The following HMGA2 variants were observed in gnomAD, a reference collection of about 807,000 sequenced individuals.
HMGA2 encodes high mobility group protein HMGI-C.
In HMGA2, 8 loss-of-function variants were observed where a neutral mutation model predicts 19.1. That is an observed-to-expected ratio of 0.42 (90% confidence interval 0.25 to 0.76). HMGA2 has a LOEUF of 0.76. Ranked by LOEUF, HMGA2 falls within the 30% of genes least tolerant of loss-of-function variation. HMGA2 has a pLI of 0.28. For synonymous variants in HMGA2, 60 were observed against 48.8 expected (o/e 1.23, Z -0.96); for missense variants, 109 against 136.3 (o/e 0.80, Z 1.00).
At chr12:65,960,024 G>A (rs1203509187) in intron 4 of HMGA2, among the ~76,000 whole-genome samples, 1 of 152,060 alleles carries the variant, frequency 6.6e-6, no homozygotes, top group Admixed American at 6.6e-5. Flanking sequence ...CAAGTAGCTG[G>A]GACTTCAGGT....
chr12:65,923,731 C>T (rs1053160527), intron 3 of HMGA2, among the ~76,000 whole-genome samples: 5 of 152,136 alleles, frequency 3.3e-5, no homozygotes, highest in East Asian at 1.9e-4. Flanking sequence ...TCATTCTCGC[C>T]GGGTGCGGCA....
rs1056729218 is a variant in HMGA2 at position 65,961,733 on chromosome 12, G to C, written c.283-1512G>C. Among the ~76,000 whole-genome samples, 10 of 148,198 alleles carry C rather than the reference G, an allele frequency of 6.7e-5. No individual in the cohort carries two copies. The East Asian group carries it at 1.4e-3, about 20-fold the overall frequency. On this transcript the variant is annotated intron_variant, in intron 4 of 4. Transcript: ENST00000403681. ...GCAGTGGCCTGTGATTAAAGCCCAG[G>C]ATAGAGTGTGTGTGTGTGTGTGTGT...
intron 3 of HMGA2, among the ~76,000 whole-genome samples, chr12:65,846,820 T>G (rs935440186): frequency 3.3e-5 from 5 of 152,200 alleles, no homozygotes; most frequent in Non-Finnish European, 7.3e-5. Flanking sequence ...GCTGACAAGA[T>G]AGGTGGGGCT....
intron 3 of HMGA2, chr12:65,866,946 A>G (rs1438226907): frequency 2.2e-6 from 1 of 456,740 alleles, no homozygotes; most frequent in Non-Finnish European, 4.4e-6. Flanking sequence ...GTGCCTTCCC[A>G]TCTTGACACT....
chr12:65,927,100 C>T (rs984494202), intron 3 of HMGA2, among the ~76,000 whole-genome samples: 3 of 152,114 alleles, frequency 2.0e-5, no homozygotes, highest in African/African-American at 4.8e-5. Flanking sequence ...GGAGTTTTAT[C>T]ACTCATTTTA....
intron 3 of HMGA2, among the ~76,000 whole-genome samples, chr12:65,848,274 G>A (rs1871309192): frequency 6.6e-6 from 1 of 152,142 alleles, no homozygotes; most frequent in Non-Finnish European, 1.5e-5. Context: ...ATTTTCTAAG[G>A]TAGTTTCTCT....
intron 2 of HMGA2, among the ~76,000 whole-genome samples, chr12:65,837,830 A>G (rs1417842118): frequency 6.6e-6 from 1 of 152,236 alleles, no homozygotes; most frequent in African/African-American, 2.4e-5. Flanking sequence ...TTAATTAATC[A>G]TTATTTCTAG....
chr12:65,840,588 G>A (rs369067159), intron 3 of HMGA2, among the ~76,000 whole-genome samples: 56 of 152,158 alleles, frequency 3.7e-4, no homozygotes, highest in African/African-American at 1.1e-3. Context: ...CCTTAGACTC[G>A]GAAGTCAAAA....
At chr12:65,934,563 A>C (rs1322772810) in intron 3 of HMGA2, among the ~76,000 whole-genome samples, 6 of 152,154 alleles carry the variant, frequency 3.9e-5, no homozygotes, top group Non-Finnish European at 4.4e-5. Flanking sequence ...GTTTTCTACC[A>C]AATCATACCT....
chr12:65,887,125 C>G (rs939147313), intron 3 of HMGA2, among the ~76,000 whole-genome samples: 2 of 152,006 alleles, frequency 1.3e-5, no homozygotes, highest in African/African-American at 2.4e-5. Flanking sequence ...AACGCTGACT[C>G]CCCCCCTCAT....
At chr12:65,829,500 G>A (rs1200520545) in intron 2 of HMGA2, among the ~76,000 whole-genome samples, 1 of 151,986 alleles carries the variant, frequency 6.6e-6, no homozygotes, top group African/African-American at 2.4e-5. Context: ...TTGTGTAAGT[G>A]TGGAGTTTAC....
chr12:65,901,593 G>A (rs1279275616), intron 3 of HMGA2, among the ~76,000 whole-genome samples: 3 of 152,144 alleles, frequency 2.0e-5, no homozygotes, highest in Admixed American at 2.0e-4. Flanking sequence ...CAAATTACAG[G>A]TGTATGGAAT....
chr12:65,915,123 G>C, intron 3 of HMGA2: 1 of 1,613,790 alleles, frequency 6.2e-7, no homozygotes, highest in Non-Finnish European at 8.5e-7. Flanking sequence ...ACCAAAAGGA[G>C]TCACTGAATT....
At chr12:65,905,324 G>T (rs1293797017) in intron 3 of HMGA2, among the ~76,000 whole-genome samples, 1 of 151,954 alleles carries the variant, frequency 6.6e-6, no homozygotes, top group Non-Finnish European at 1.5e-5. Flanking sequence ...ATTGAATATT[G>T]TCTATTTCTC....
chr12:65,951,620 C>G (rs1876464018), intron 4 of HMGA2: 1 of 473,688 alleles, frequency 2.1e-6, no homozygotes. Flanking sequence ...AATGTAAGGT[C>G]TTAAGTGTAC....
chr12:65,920,473 T>TA (rs1875266476), intron 3 of HMGA2, among the ~76,000 whole-genome samples: 1 of 152,206 alleles, frequency 6.6e-6, no homozygotes, highest in African/African-American at 2.4e-5. Context: ...TACCAACTGA[T>TA]ATGGTTTGCC....
chr12:65,825,186 A>T lies in HMGA2; in HGVS notation c.-85A>T. 8.1e-7 allele frequency: 1 copy of T among 1,229,530 alleles called. No individual in the cohort carries two copies. The highest frequency in any genetic ancestry group is 2.9e-5 in the East Asian group (1 of 34,938). The allele number at this position is 1,229,530 out of a possible 1,614,324, so 76.2% of individuals were successfully genotyped here. A position where few individuals can be genotyped will look rare whatever the true frequency, so the allele number is the denominator to read the frequency against. On this transcript the variant is annotated 5_prime_UTR_variant, in exon 1 of 5. Transcript: ENST00000403681. This position sits in a 1 kb window ranked among gnomAD's most constrained non-coding sequence, Gnocchi z 4.4. ...CCCCGCCGGCGTCCCCAGCCCTATC[A>T]CCTCATCTCCCGAAAGGTGCTGGGC...
At chr12:65,886,643 C>T (rs556789612) in intron 3 of HMGA2, among the ~76,000 whole-genome samples, 28 of 151,804 alleles carry the variant, frequency 1.8e-4, no homozygotes, top group Non-Finnish European at 2.9e-4. Context: ...AGGCATGAGA[C>T]ACAACGCCCG....
At chr12:65,831,614 A>G (rs1230893713) in intron 2 of HMGA2, among the ~76,000 whole-genome samples, 1 of 151,882 alleles carries the variant, frequency 6.6e-6, no homozygotes, top group Admixed American at 6.6e-5. Context: ...ATGTGTTCAG[A>G]GTAAATGTTT....
Sources: allele counts gnomAD v4.1 joint callset (sites outside exome capture counted in the v4.1 genomes callset), GRCh38; gene constraint gnomAD v4.1.1; non-coding constraint Gnocchi (gnomAD v3.1); transcripts MANE v1.5; gene names NCBI Gene and HGNC (gene_info 2026-07-23, HGNC 2026-07-21).